SENP1: variants seen among roughly 807,000 people sequenced by gnomAD.
SENP1 encodes the protein sentrin-specific protease 1.
Under a neutral mutation model 93.0 loss-of-function variants are expected in SENP1, and 21 were observed. The ratio of observed to expected loss-of-function variants is 0.23; its 90% CI spans 0.16 to 0.33. SENP1 has a LOEUF of 0.33. Ranked by LOEUF, SENP1 falls within the 10% of genes least tolerant of loss-of-function variation. The probability of loss-of-function intolerance (pLI) is 1.00; values close to 1 mark genes in which losing one functional copy is unlikely to be tolerated. For missense variants in SENP1, 591 were observed against 758.7 expected (o/e 0.78, Z 2.60); for synonymous variants, 256 against 259.6 (o/e 0.99, Z 0.13).
At position 48,065,682 on chromosome 12, in the gene SENP1, T is replaced by C. The variant is rs1162848775; in HGVS notation, c.1035-2A>G. The C allele has an allele frequency of 6.5e-7, 1 of 1,550,306 alleles. No individual in the cohort carries two copies. Among genetic ancestry groups the C allele is most frequent in the Non-Finnish European group, 8.7e-7 (1 of 1,144,708 alleles). ...GCTCGAGAATCATAAACACTAGTTC[T>C]AGAAAATGAAAAGGAACGTGACCAA... On this transcript the variant is annotated splice_acceptor_variant, in intron 10 of 17. Coordinates refer to ENST00000549518, the MANE Select transcript of SENP1 (RefSeq NM_001267594.2). LOFTEE classifies it high-confidence loss of function.
chr12:48,062,283 A>G (rs185131662), intron 13 of SENP1, among the ~76,000 whole-genome samples: 6 of 152,346 alleles, frequency 3.9e-5, no homozygotes, highest in Admixed American at 3.3e-4. Context: ...GATCAAAAAT[A>G]ACTTATCAGT....
chr12:48,063,741 G>T lies in SENP1; in HGVS notation c.1376C>A (p.Thr459Asn). The T allele has an allele frequency of 6.2e-7, 1 of 1,613,192 alleles. No homozygotes were observed. Among genetic ancestry groups the T allele is most frequent in the Non-Finnish European group, 8.5e-7 (1 of 1,179,456 alleles). Reference sequence around the variant, plus strand: ...ATTGAGCCAATTCAGATGGTTTAGAGTTTGAATATCTTTGCGTGTAATGGT... The same window carrying T: ...ATTGAGCCAATTCAGATGGTTTAGATTTTGAATATCTTTGCGTGTAATGGT... ...RLTITRKDIQ[T>N]LNHLNWLNDE... The change falls in exon 13 of 18, where the codon ACT (threonine) becomes AAT (asparagine). Residue 459 changes from threonine (T) to asparagine (N), a missense_variant. Around this residue, in one of 4 missense-constraint regions of SENP1, gnomAD observed 132 missense variants for 230.1 expected, o/e 0.57. Transcript: ENST00000549518.
At chr12:48,080,185 A>G (rs548444724) in intron 6 of SENP1, 14 of 152,358 alleles carry the variant, frequency 9.2e-5, no homozygotes, top group African/African-American at 3.4e-4. Flanking sequence ...GAAATGTTCT[A>G]TATTTGCCCT....
rs932137251 is a variant in SENP1 at position 48,044,374 on chromosome 12, ATGTATG to A, written c.*942_*947del. On this transcript the variant is annotated 3_prime_UTR_variant, in exon 18 of 18. Coordinates refer to ENST00000549518, the MANE Select transcript of SENP1 (RefSeq NM_001267594.2). ...TATACATACATATATATATATATAT[ATGTATG>A]TGTATATATATATGTATATATATAT... 2 of 142,436 alleles carry A rather than the reference ATGTATG, an allele frequency of 1.4e-5. No individual in the cohort carries two copies. The highest frequency in any genetic ancestry group is 3.1e-5 in the Non-Finnish European group (2 of 65,204). The allele number at this position is 142,436 out of a possible 1,614,324, so 8.8% of individuals were successfully genotyped here. A position where few individuals can be genotyped will look rare whatever the true frequency, so the allele number is the denominator to read the frequency against.
At chr12:48,081,881 T>C (rs1944516052) in intron 6 of SENP1, among the ~76,000 whole-genome samples, 1 of 150,064 alleles carries the variant, frequency 6.7e-6, no homozygotes, top group Admixed American at 6.6e-5. Flanking sequence ...TTAGATTCAA[T>C]ACAAACTTTT....
chr12:48,088,984 A>T, intron 4 of SENP1, 24 bp from the exon 5 acceptor site: 1 of 1,575,154 alleles, frequency 6.3e-7, no homozygotes, highest in Non-Finnish European at 8.6e-7. Flanking sequence ...AGTTTGAATA[A>T]ATTAAACAAA....
chr12:48,070,940 T>C (rs144872784), intron 9 of SENP1, among the ~76,000 whole-genome samples: 1 of 151,596 alleles, frequency 6.6e-6, no homozygotes, highest in African/African-American at 2.4e-5. Context: ...AAAGAAAAAT[T>C]TAAAAGTTAG....
chr12:48,062,998 AG>A, intron 13 of SENP1, among the ~76,000 whole-genome samples: 2 of 152,342 alleles, frequency 1.3e-5, no homozygotes, highest in South Asian at 4.1e-4. Context: ...GCTTATGCAA[AG>A]AAGGTACTTA....
intron 5 of SENP1, among the ~76,000 whole-genome samples, chr12:48,086,224 A>G (rs193077696): frequency 2.9e-4 from 44 of 152,330 alleles, no homozygotes; most frequent in African/African-American, 1.1e-3. Flanking sequence ...AGAAAAATCT[A>G]ATCATGTATC....
chr12:48,102,431 CAAAAAAAAAA>C (rs57161608), intron 1 of SENP1, among the ~76,000 whole-genome samples: 1 of 47,458 alleles, frequency 2.1e-5, no homozygotes. Context: ...GACTCTGTCT[CAAAAAAAAAA>C]AAAAAAAAAA....
At chr12:48,082,488 C>T (rs1003603445) in intron 6 of SENP1, among the ~76,000 whole-genome samples, 1 of 152,170 alleles carries the variant, frequency 6.6e-6, no homozygotes, top group African/African-American at 2.4e-5. Flanking sequence ...ATGACTATTA[C>T]CTCATCTCTA....
chr12:48,102,234 C>T (rs1344433755), intron 1 of SENP1, among the ~76,000 whole-genome samples: 1 of 152,086 alleles, frequency 6.6e-6, no homozygotes, highest in South Asian at 2.1e-4. Flanking sequence ...GACTTGGAGG[C>T]CAGCCTGGCC....
intron 12 of SENP1, 71 bp downstream of exon 12, chr12:48,064,994 T>C: frequency 1.7e-6 from 2 of 1,172,470 alleles, no homozygotes; most frequent in Non-Finnish European, 2.5e-6. Context: ...CTTTTATGTT[T>C]GAAACTCATC....
At chr12:48,075,529 T>G (rs1381566678) in intron 6 of SENP1, among the ~76,000 whole-genome samples, 1 of 152,118 alleles carries the variant, frequency 6.6e-6, no homozygotes, top group Non-Finnish European at 1.5e-5. Context: ...TTGCCAACAG[T>G]TTCCTATTTT....
At chr12:48,074,255 T>C in intron 8 of SENP1, 69 bp downstream of exon 8, 1 of 1,238,354 alleles carries the variant, frequency 8.1e-7, no homozygotes, top group East Asian at 2.3e-5. Flanking sequence ...CAATGTTGCC[T>C]GTAATGAGCT....
intron 4 of SENP1, among the ~76,000 whole-genome samples, chr12:48,093,675 G>T (rs1319528250): frequency 6.6e-6 from 1 of 150,412 alleles, no homozygotes; most frequent in Non-Finnish European, 1.5e-5. Context: ...AGGGACTGTG[G>T]ATGTGCGTAT....
chr12:48,046,915 A>C (rs1261935031), intron 16 of SENP1, 63 bp downstream of exon 16: 2 of 1,109,528 alleles, frequency 1.8e-6, no homozygotes, highest in African/African-American at 3.1e-5. Context: ...ATTAAGCAGT[A>C]AAATTCTTTC....
intron 13 of SENP1, among the ~76,000 whole-genome samples, chr12:48,051,518 A>C (rs1941809316): frequency 1.3e-5 from 2 of 152,240 alleles, no homozygotes; most frequent in South Asian, 4.1e-4. Flanking sequence ...ATCTGGATTC[A>C]AGTCTTTCTC....
chr12:48,046,999 C>T lies in SENP1; in HGVS notation c.1755G>A (p.Gln585=), dbSNP rs766306181. The T allele has an allele frequency of 3.7e-6, 6 of 1,612,272 alleles. No individual in the cohort carries two copies. The South Asian group carries it at 6.6e-5, about 18-fold the overall frequency. ...KRKEFDTNGW[Q]LFSKKSQEIP... The stretch of plus-strand genomic sequence containing the variant: ...GTACCTGGCTTTTCTTGCTGAAAAG[C>T]TGCCAGCCATTGGTGTCAAACTCTT... Residue 585 remains glutamine, a synonymous_variant, in exon 16 of 18, where the codon CAG becomes CAA. Coordinates refer to ENST00000549518, the MANE Select transcript of SENP1 (RefSeq NM_001267594.2).
Sources: gnomAD v4.1 joint callset for allele counts (sites outside exome capture counted in the v4.1 genomes callset) on GRCh38, gnomAD v4.1.1 for gene constraint, gnomAD v4.1.1 regional missense constraint, MANE v1.5 for transcripts, NCBI Gene and HGNC (gene_info 2026-07-23, HGNC 2026-07-21) for gene names.